Variants in NCAM1 observed in about 807,000 individuals in gnomAD.
The protein encoded by NCAM1 is neural cell adhesion molecule 1.
In NCAM1, 14 loss-of-function variants were observed where a neutral mutation model predicts 109.8. The observed-to-expected ratio is 0.13, with a 90% CI of 0.08 to 0.20. The LOEUF (loss-of-function observed/expected upper bound fraction) is 0.20, where lower values mean the gene tolerates loss of function less well. NCAM1 is among the 10% of genes least tolerant of loss of function. NCAM1 has a pLI of 1.00. For synonymous variants in NCAM1, 418 were observed against 442.9 expected, an observed-to-expected ratio of 0.94 and a Z score of 0.70; for missense variants, 774 against 1,109.9, an observed-to-expected ratio of 0.70 and a Z score of 4.30.
intron 1 of NCAM1, among the ~76,000 whole-genome samples, chr11:113,141,625 G>C (rs1198953551): frequency 2.0e-5 from 3 of 152,166 alleles, no homozygotes; most frequent in African/African-American, 7.2e-5. Context: ...CTCCAGCCTG[G>C]CGACAGAGGG....
At chr11:113,198,481 C>T (rs1398634009) in intron 1 of NCAM1, among the ~76,000 whole-genome samples, 7 of 151,896 alleles carry the variant, frequency 4.6e-5, no homozygotes, top group African/African-American at 1.7e-4. Flanking sequence ...AAGCAATTCT[C>T]CTGCCTCAGT....
At chr11:113,199,829 T>TAAAAAA (rs1555111558) in intron 1 of NCAM1, among the ~76,000 whole-genome samples, 11 of 115,748 alleles carry the variant, frequency 9.5e-5, no homozygotes, top group East Asian at 5.2e-4. Context: ...GAAACACCCT[T>TAAAAAA]AAAAAAAAAA....
intron 1 of NCAM1, among the ~76,000 whole-genome samples, chr11:113,083,766 C>T (rs1938952605): frequency 6.6e-6 from 1 of 152,124 alleles, no homozygotes; most frequent in African/African-American, 2.4e-5. Context: ...CAATGTAGTG[C>T]TGGTGGCCCC....
intron 1 of NCAM1, among the ~76,000 whole-genome samples, chr11:113,144,937 TGACCAG>T (rs2136224319): frequency 6.6e-6 from 1 of 152,354 alleles, no homozygotes; most frequent in South Asian, 2.1e-4. Flanking sequence ...CCAATCTGCA[TGACCAG>T]GAATCAAGAC....
At chr11:113,126,170 AT>A (rs1455207374) in intron 1 of NCAM1, among the ~76,000 whole-genome samples, 3 of 146,112 alleles carry the variant, frequency 2.1e-5, no homozygotes, top group African/African-American at 7.5e-5. Context: ...AAAAAAAAAA[AT>A]AGTAAGAATA....
chr11:113,021,782 C>CCTG (rs781842173), intron 1 of NCAM1, among the ~76,000 whole-genome samples: 65 of 152,154 alleles, frequency 4.3e-4, no homozygotes, highest in Non-Finnish European at 8.8e-4. Flanking sequence ...GCTTTAAAAA[C>CCTG]CTGCTGTAGA....
At chr11:113,013,456 G>GA (rs1591246902) in intron 1 of NCAM1, among the ~76,000 whole-genome samples, 1 of 142,256 alleles carries the variant, frequency 7.0e-6, no homozygotes, top group African/African-American at 2.6e-5. Context: ...AGAAGCGAAA[G>GA]AAAAAAGAAA....
At chr11:113,153,453 TGAGA>T (rs10669540) in intron 1 of NCAM1, among the ~76,000 whole-genome samples, 9,146 of 141,200 alleles carry the variant, frequency 0.065, 738 homozygotes, top group African/African-American at 0.2. Context: ...AGACAGAGAG[TGAGA>T]GAGAGAGAGA....
intron 1 of NCAM1, among the ~76,000 whole-genome samples, chr11:113,083,541 G>A (rs1555087691): frequency 1.3e-5 from 2 of 152,186 alleles, no homozygotes; most frequent in African/African-American, 4.8e-5. Context: ...GTGTAATGGA[G>A]ATGCCCTATG....
At chr11:113,088,224 A>G (rs1372631793) in intron 1 of NCAM1, among the ~76,000 whole-genome samples, 1 of 152,226 alleles carries the variant, frequency 6.6e-6, no homozygotes, top group East Asian at 1.9e-4. Flanking sequence ...AAGTAGATTG[A>G]CATCTTGTCT....
At chr11:112,982,268 G>A (rs1306947051) in intron 1 of NCAM1, among the ~76,000 whole-genome samples, 4 of 151,878 alleles carry the variant, frequency 2.6e-5, no homozygotes, top group African/African-American at 9.7e-5. Context: ...TTATGCCTTT[G>A]ACTGAGAGGT....
At chr11:113,269,912 G>C (rs1449491792) in intron 17 of NCAM1, 1 of 519,924 alleles carries the variant, frequency 1.9e-6, no homozygotes, top group Non-Finnish European at 3.5e-6. Context: ...GCGGGGCTCA[G>C]TCTGCTCCCA....
chr11:113,082,127 A>G (rs1264234934), intron 1 of NCAM1, among the ~76,000 whole-genome samples: 1 of 152,176 alleles, frequency 6.6e-6, no homozygotes, highest in Non-Finnish European at 1.5e-5. Context: ...TTGGTCTGAT[A>G]TTGATTATAG....
At chr11:113,226,579 G>C (rs576888625) in intron 9 of NCAM1, among the ~76,000 whole-genome samples, 41 of 152,266 alleles carry the variant, frequency 2.7e-4, no homozygotes, top group African/African-American at 9.4e-4. Flanking sequence ...ACCAAGTGGA[G>C]CTAATAGACA....
chr11:113,080,808 T>C (rs1591308416), intron 1 of NCAM1, among the ~76,000 whole-genome samples: 8 of 152,188 alleles, frequency 5.3e-5, no homozygotes, highest in Admixed American at 5.2e-4. Context: ...TGCCAAGTCA[T>C]TGTATATGTA....
intron 1 of NCAM1, among the ~76,000 whole-genome samples, chr11:112,972,139 G>C (rs927927735): frequency 9.2e-5 from 14 of 152,142 alleles, no homozygotes; most frequent in African/African-American, 2.7e-4. Context: ...CTTTAGGTGA[G>C]AGTTGAAGGA....
In NCAM1 at chr11:112,968,736, G is replaced by A. The variant is rs138095106; in HGVS notation, c.52+7072G>A. Among the ~76,000 whole-genome samples, 208 of 152,280 alleles carry A rather than the reference G, an allele frequency of 1.4e-3. 2 individuals are homozygous for A. Among genetic ancestry groups the A allele is most frequent in the African/African-American group, 4.9e-3 (203 of 41,552 alleles). On this transcript the variant is annotated intron_variant, in intron 1 of 19. Coordinates refer to ENST00000316851, the MANE Select transcript of NCAM1 (RefSeq NM_181351.5). ...AACCCAGGATGAGAGATTATCAAGG[G>A]GGATTGGGTGGTTGGGGAGGTGAAG...
intron 17 of NCAM1, among the ~76,000 whole-genome samples, chr11:113,266,166 G>A (rs782493869): frequency 2.0e-5 from 3 of 151,930 alleles, no homozygotes; most frequent in Non-Finnish European, 4.4e-5. Context: ...TTACACAAGA[G>A]GCAGGAGATG....
chr11:113,186,440 C>T (rs1943511069), intron 1 of NCAM1, among the ~76,000 whole-genome samples: 2 of 152,200 alleles, frequency 1.3e-5, no homozygotes, highest in African/African-American at 2.4e-5. Context: ...GTGCCAAAAA[C>T]TTGGGGACTG....
Sources: allele counts gnomAD v4.1 joint callset (sites outside exome capture counted in the v4.1 genomes callset), GRCh38; gene constraint gnomAD v4.1.1; transcripts MANE v1.5; gene names NCBI Gene and HGNC (gene_info 2026-07-23, HGNC 2026-07-21).